DIDO1: variants seen among roughly 807,000 people sequenced by gnomAD.
The protein encoded by DIDO1 is death-inducer obliterator 1.
Under a neutral mutation model 99.4 loss-of-function variants are expected in DIDO1, and 16 were observed. That is an observed-to-expected ratio of 0.16 (90% CI 0.11 to 0.24). The LOEUF is 0.24. Ranked by LOEUF, DIDO1 falls within the 10% of genes least tolerant of loss-of-function variation. The pLI is 1.00. For missense variants in DIDO1, 2,996 were observed against 3,014.0 expected (o/e 0.99, Z 0.14); for synonymous variants, 1,366 against 1,239.1 (o/e 1.10, Z -2.15).
chr20:62,909,742 G>A lies in DIDO1; in HGVS notation c.1118C>T (p.Ala373Val). ...TTTCTTCTTGCCACTTGGATTTGCA[G>A]CTTTCTCAATTCTACCCTTTATCCC... ...DQGIKGRIEK[A>V]ANPSGKKKLK... Residue 373 changes from alanine (A) to valine (V), a missense_variant, in exon 4 of 16, where the codon GCT becomes GTT. Ala to Val is a moderately conservative substitution (Grantham distance 64). Coordinates refer to ENST00000395343, the MANE Select transcript of DIDO1 (RefSeq NM_001193369.2). 6.2e-7 allele frequency: 1 copy of A among 1,614,094 alleles called. No homozygotes were observed. The highest frequency in any genetic ancestry group is 8.5e-7 in the Non-Finnish European group (1 of 1,179,934).
chr20:62,886,751 T>G lies in DIDO1; in HGVS notation c.3541+4209A>C, dbSNP rs543446358. On this transcript the variant is annotated intron_variant, in intron 15 of 15. Coordinates refer to ENST00000395343, the MANE Select transcript of DIDO1 (RefSeq NM_001193369.2). Reference sequence around the variant, plus strand: ...ACTATCAGTGATTTAAAATGAAAACTCTCTCAATGGTCTGCACCTGTCAAA... The same window carrying G: ...ACTATCAGTGATTTAAAATGAAAACGCTCTCAATGGTCTGCACCTGTCAAA... Among the ~76,000 whole-genome samples the G allele has an allele frequency of 2.0e-5, 3 of 152,194 alleles. No homozygotes were observed. In the South Asian group the frequency reaches 6.2e-4, roughly 32 times the overall value.
chr20:62,937,212 T>G lies in DIDO1; in HGVS notation c.-200+584A>C, dbSNP rs530414368. On this transcript the variant is annotated intron_variant, in intron 1 of 15. Coordinates refer to the DIDO1 transcript ENST00000266070. ...CAGGAGCTGCCCCTCAAGGACTCTA[T>G]TTCTTCCTTCGGCTCTATCAAATAT... Among the ~76,000 whole-genome samples the G allele has an allele frequency of 5.2e-4, 79 of 152,374 alleles. 1 individual carries two copies. The highest frequency in any genetic ancestry group is 1.0e-3 in the South Asian group (5 of 4,832).
At chr20:62,892,170 C>G (rs2064412667) in intron 13 of DIDO1, 94 bp from the exon 14 acceptor site, 6 of 1,005,982 alleles carry the variant, frequency 6.0e-6, no homozygotes, top group Non-Finnish European at 8.8e-6. Context: ...ACCCAAGATT[C>G]AAGAAGACTA....
rs2064157262 is a variant in DIDO1 at position 62,879,421 on chromosome 20, G to C, written c.6535C>G (p.Arg2179Gly). Residue 2179 changes from arginine (R) to glycine (G), a missense_variant, in exon 16 of 16, where the codon CGA becomes GGA. Physicochemically the swap from Arg to Gly is moderately radical, Grantham distance 125. Around this residue, in one of 5 missense-constraint regions of DIDO1, gnomAD observed 1,562 missense variants for 1,412.6 expected, o/e 1.11. Coordinates refer to ENST00000395343, the MANE Select transcript of DIDO1 (RefSeq NM_001193369.2). The surrounding 1 kb of genome is among the most constrained non-coding windows in gnomAD (Gnocchi z 6.3). ...WDRSRERSRN[R>G]ERERDRRRDR... is the part of the protein sequence containing the mutation. ...CGCCTCCGGTCTCGCTCGCGCTCTC[G>C]GTTCCTGCTCCGCTCCCGGCTGCGG... 1 of 1,542,850 alleles carries C rather than the reference G, an allele frequency of 6.5e-7. No individual in the cohort carries two copies. The highest frequency in any genetic ancestry group is 1.4e-5 in the African/African-American group (1 of 72,148).
At chr20:62,899,930 G>A (rs2064625537) in intron 6 of DIDO1, among the ~76,000 whole-genome samples, 1 of 152,234 alleles carries the variant, frequency 6.6e-6, no homozygotes, top group South Asian at 2.1e-4. Flanking sequence ...TGCTGAAATG[G>A]GGACAGAAAC....
Position 62,910,821 on chromosome 20 carries a change from G to GT in DIDO1, c.791dup (p.Tyr264Ter). ...LGRPKPECEG[Y>*]DPNALYCICR... ...AAATGCAATACAGGGCGTTGGGGTCGTAACCCTCACATTCAGGCTTCGGTC... is the reference window on the plus strand; with the variant it reads ...AAATGCAATACAGGGCGTTGGGGTCGTTAACCCTCACATTCAGGCTTCGGTC... Residue 264 changes from tyrosine (Y) to a stop codon, truncating the protein, a stop_gained and frameshift_variant, in exon 3 of 16, where the codon TAC becomes TAAC. Transcript: ENST00000395343. LOFTEE classifies it high-confidence loss of function. The GT allele has an allele frequency of 6.2e-7, 1 of 1,614,232 alleles. No individual in the cohort carries two copies. Among genetic ancestry groups the GT allele is most frequent in the Non-Finnish European group, 8.5e-7 (1 of 1,180,046 alleles).
chr20:62,905,770 G>A (rs749202346), intron 6 of DIDO1, 117 bp downstream of exon 6: 12 of 1,609,314 alleles, frequency 7.5e-6, no homozygotes, highest in East Asian at 2.2e-5. Context: ...TGGTGCAGCC[G>A]GTGTCTGTGA....
At chr20:62,909,571 C>G in intron 4 of DIDO1, 128 bp downstream of exon 4, 1 of 1,092,644 alleles carries the variant, frequency 9.2e-7, no homozygotes, top group Non-Finnish European at 1.3e-6. Flanking sequence ...TGGAGTGAGG[C>G]AGGAACCCGG....
At chr20:62,936,781 T>C (rs571849864) in intron 1 of DIDO1, among the ~76,000 whole-genome samples, 10 of 152,136 alleles carry the variant, frequency 6.6e-5, no homozygotes, top group African/African-American at 2.4e-4. Flanking sequence ...GGAGAATCGC[T>C]TGAACCCGGG....
intron 1 of DIDO1, among the ~76,000 whole-genome samples, chr20:62,914,872 T>A (rs2065011372): frequency 6.6e-6 from 1 of 152,248 alleles, no homozygotes; most frequent in South Asian, 2.1e-4. Flanking sequence ...GTATCTGAAT[T>A]ATTTTAATTA....
At position 62,880,273 on chromosome 20, in the gene DIDO1, G is replaced by T. The variant is rs1210665385; in HGVS notation, c.5683C>A (p.Pro1895Thr). 1 of 1,612,688 alleles carries T rather than the reference G, an allele frequency of 6.2e-7. No individual in the cohort carries two copies. Among genetic ancestry groups the T allele is most frequent in the East Asian group, 2.2e-5 (1 of 44,878 alleles). Residue 1895 changes from proline to threonine, a missense_variant, in exon 16 of 16, where the codon CCA (proline) becomes ACA (threonine). Coordinates refer to ENST00000395343, the MANE Select transcript of DIDO1 (RefSeq NM_001193369.2). ...APFQFGGQRR[P>T]LLSQLKGPRG... ...GGGCCTTTCAGCTGAGACAGCAGTG[G>T]CCTTCTCTGGCCTCCGAACTGGAAA...
chr20:62,921,781 T>C (rs573007418), intron 1 of DIDO1, among the ~76,000 whole-genome samples: 5 of 150,780 alleles, frequency 3.3e-5, no homozygotes, highest in Non-Finnish European at 5.9e-5. Flanking sequence ...ACTACAAGCA[T>C]GCACTACAAT....
In DIDO1 at chr20:62,911,692, A is replaced by AG; in HGVS notation, c.-2-79dup. 7.7e-7 allele frequency: 1 copy of AG among 1,303,904 alleles called. No individual in the cohort carries two copies. Among genetic ancestry groups the AG allele is most frequent in the South Asian group, 1.5e-5 (1 of 64,676 alleles). The allele number at this position is 1,303,904 out of a possible 1,614,324, so 80.8% of individuals were successfully genotyped here. On this transcript the variant is annotated intron_variant, in intron 2 of 15. Transcript: ENST00000395343. The surrounding 1 kb of genome is among the most constrained non-coding windows in gnomAD (Gnocchi z 7.0). ...GACATTGCCGCCAAACACGCGCAGC[A>AG]GGGGCCACCTCCCTACAAACAGTGG...
chr20:62,936,739 C>T (rs2065390119), intron 1 of DIDO1, among the ~76,000 whole-genome samples: 1 of 151,814 alleles, frequency 6.6e-6, no homozygotes, highest in Non-Finnish European at 1.5e-5. Flanking sequence ...TGGTGCGCCC[C>T]TGTGGTCCCA....
At chr20:62,923,763 T>C (rs1360606557) in intron 1 of DIDO1, among the ~76,000 whole-genome samples, 1 of 152,238 alleles carries the variant, frequency 6.6e-6, no homozygotes, top group African/African-American at 2.4e-5. Context: ...TTTACCTTAT[T>C]ATAAAGGTAT....
rs1600939851 is a variant in DIDO1 at position 62,894,318 on chromosome 20, A to G, written c.2572+95T>C. The G allele has an allele frequency of 6.3e-7, 1 of 1,580,874 alleles. No homozygotes were observed. The highest frequency in any genetic ancestry group is 2.3e-5 in the East Asian group (1 of 44,438). On this transcript the variant is annotated intron_variant, in intron 11 of 15. Transcript: ENST00000395343. This position sits in a 1 kb window ranked among gnomAD's most constrained non-coding sequence, Gnocchi z 4.4. ...TCATTCTGGCCCTTCTGCGTGTTTA[A>G]GCTTACGTGCGGTTGCTTTTAGGAG...
At chr20:62,904,902 G>GAAAGTGGGGCA in intron 6 of DIDO1, 2 of 851,470 alleles carry the variant, frequency 2.3e-6, no homozygotes, top group Non-Finnish European at 2.8e-6. Flanking sequence ...CTGACGACGG[G>GAAAGTGGGGCA]AAAGTGGGGC....
Position 62,911,074 on chromosome 20 carries a change from G to A in DIDO1, c.539C>T (p.Pro180Leu). ...CAGGCGACTCTGGATCCCTTTCAGG[G>A]GCCTCTCAGTGGGCTCCTGTTCCCG... The part of the protein sequence containing the change: ...RKREQEPTER[P>L]LKGIQSRLRK... The change falls in exon 3 of 16, where the codon CCC becomes CTC. Residue 180 changes from proline to leucine, a missense_variant. This residue lies in a region of DIDO1 where 388 missense variants were observed against 376.6 expected (regional missense o/e 1.03). Transcript: ENST00000395343. This position sits in a 1 kb window ranked among gnomAD's most constrained non-coding sequence, Gnocchi z 7.0. The A allele has an allele frequency of 6.2e-7, 1 of 1,613,766 alleles. No individual in the cohort carries two copies. Among genetic ancestry groups the A allele is most frequent in the Non-Finnish European group, 8.5e-7 (1 of 1,180,024 alleles).
chr20:62,907,034 G>C, intron 5 of DIDO1, 113 bp downstream of exon 5: 4 of 1,060,724 alleles, frequency 3.8e-6, no homozygotes. Context: ...GACACCACGT[G>C]TGCGCCCCCC....
Sources: gnomAD v4.1 joint callset for allele counts (sites outside exome capture counted in the v4.1 genomes callset) on GRCh38, gnomAD v4.1.1 for gene constraint, gnomAD v4.1.1 regional missense constraint, Gnocchi (gnomAD v3.1) non-coding constraint, MANE v1.5 for transcripts, NCBI Gene and HGNC (gene_info 2026-07-23, HGNC 2026-07-21) for gene names.